Variants in KLK11 observed in about 807,000 individuals in gnomAD.
KLK11 encodes kallikrein related peptidase 11.
A neutral mutation model predicts 23.4 loss-of-function variants in KLK11; 10 were observed. The observed-to-expected ratio is 0.43, with a 90% confidence interval of 0.26 to 0.73. The LOEUF (loss-of-function observed/expected upper bound fraction) is 0.73, where lower values mean the gene tolerates loss of function less well. Among genes scored for constraint, KLK11 ranks in the 30% least tolerant of loss-of-function variants. KLK11 has a pLI of 0.22. For synonymous variants in KLK11, 131 were observed against 131.7 expected, an observed-to-expected ratio of 0.99 and a Z score of 0.03; for missense variants, 285 against 327.8, an observed-to-expected ratio of 0.87 and a Z score of 1.01.
In KLK11 at chr19:51,025,831, A is replaced by G. The variant is rs1229597988; in HGVS notation, c.-35-165T>C. 4.0e-6 allele frequency: 2 copies of G among 495,618 alleles called. No individual in the cohort carries two copies. The highest frequency in any genetic ancestry group is 3.1e-5 in the South Asian group (1 of 32,146). The allele number at this position is 495,618 out of a possible 1,614,324, so 30.7% of individuals were successfully genotyped here. Reference sequence around the variant, plus strand: ...TCTCACAGCACTCAGATCTCCAAACACTTAAAATATATCTTAGGTGTCTAG... The same window carrying G: ...TCTCACAGCACTCAGATCTCCAAACGCTTAAAATATATCTTAGGTGTCTAG... On this transcript the variant is annotated intron_variant, in intron 1 of 5. Transcript: ENST00000453757. The surrounding 1 kb of genome is among the most constrained non-coding windows in gnomAD (Gnocchi z 6.2).
chr19:51,022,538 G>A lies in KLK11; in HGVS notation c.*7C>T, dbSNP rs752801094. 1.3e-5 allele frequency: 21 copies of A among 1,614,008 alleles called. No individual in the cohort carries two copies. The highest frequency in any genetic ancestry group is 6.6e-5 in the South Asian group (6 of 91,076). On this transcript the variant is annotated 3_prime_UTR_variant, in exon 6 of 6. Transcript: ENST00000453757. Reference sequence around the variant, plus strand: ...GAGGGTGATGGGCTGTGGTGGGTGGGTCCAGTCTAATTGTTCTTCATCGTC... The same window carrying A: ...GAGGGTGATGGGCTGTGGTGGGTGGATCCAGTCTAATTGTTCTTCATCGTC...
upstream of KLK11, chr19:51,027,326 C>A (rs1328913166): frequency 1.1e-6 from 1 of 933,338 alleles, no homozygotes; most frequent in Non-Finnish European, 1.7e-6. Context: ...GAAGCCGAGT[C>A]CAGGAAAGGG....
intron 4 of KLK11, 156 bp from the exon 5 acceptor site, chr19:51,023,384 CTTTTTT>C (rs780238378): frequency 1.7e-5 from 8 of 483,248 alleles, no homozygotes; most frequent in South Asian, 2.6e-5. Context: ...TGCTATCCAG[CTTTTTT>C]TTTTTTTTTT....
Position 51,025,327 on chromosome 19 carries a change from G to A in KLK11, c.40+265C>T, listed in dbSNP as rs148905969. ...GGTTGGTCAGTAGCCCCTGTCCTGG[G>A]CGCTTTGAGTGACTGCTCCCCCAAC... is the stretch of plus-strand genomic sequence containing the variant. On this transcript the variant is annotated intron_variant, in intron 2 of 5. Coordinates refer to ENST00000453757, the MANE Select transcript of KLK11 (RefSeq NM_001136032.3). This position sits in a 1 kb window ranked among gnomAD's most constrained non-coding sequence, Gnocchi z 6.2. 9.3e-5 allele frequency among the ~76,000 whole-genome samples: 14 copies of A among 151,336 alleles called. No homozygotes were observed. Among genetic ancestry groups the A allele is most frequent in the Non-Finnish European group, 1.3e-4 (9 of 67,924 alleles).
At chr19:51,022,897 T>G (rs1568570154) in intron 5 of KLK11, among the ~76,000 whole-genome samples, 195 bp downstream of exon 5, 1 of 151,890 alleles carries the variant, frequency 6.6e-6, no homozygotes, top group Non-Finnish European at 1.5e-5. Flanking sequence ...TTGGGGATGG[T>G]TGGAGCTGGA....
In KLK11 at chr19:51,022,548, A is replaced by ATTGTTCT. The variant is rs1422389355; in HGVS notation, c.743_749dup (p.Asn250LysfsTer28). On this transcript the variant is annotated frameshift_variant, in exon 6 of 6. Coordinates refer to ENST00000453757, the MANE Select transcript of KLK11 (RefSeq NM_001136032.3). LOFTEE classifies it high-confidence loss of function. ...GGCTGTGGTGGGTGGGTCCAGTCTA[A>ATTGTTCT]TTGTTCTTCATCGTCTCCTGGATCC... 6.2e-7 allele frequency: 1 copy of ATTGTTCT among 1,614,018 alleles called. No homozygotes were observed.
chr19:51,023,038 G>A (rs973030100), intron 5 of KLK11, 54 bp downstream of exon 5: 44 of 1,542,656 alleles, frequency 2.9e-5, no homozygotes, highest in Non-Finnish European at 3.7e-5. Flanking sequence ...TGTCGGTAAA[G>A]ATGTCATTGA....
chr19:51,026,163 C>T (rs2091483618), intron 1 of KLK11, among the ~76,000 whole-genome samples: 1 of 152,040 alleles, frequency 6.6e-6, no homozygotes, highest in Admixed American at 6.5e-5. Flanking sequence ...GTAGGGGGCT[C>T]AGCCCCAGAC....
At position 51,024,381 on chromosome 19, in the gene KLK11, C is replaced by T; in HGVS notation, c.198-71G>A. On this transcript the variant is annotated intron_variant, in intron 3 of 5. Transcript: ENST00000453757. This position sits in a 1 kb window ranked among gnomAD's most constrained non-coding sequence, Gnocchi z 6.2. ...ACATGGGTGGGAGAGGTGAGTGACA[C>T]CTTTGAGGATGAAGAAACATCGCTC... The T allele has an allele frequency of 6.4e-7, 1 of 1,574,348 alleles. No individual in the cohort carries two copies. The highest frequency in any genetic ancestry group is 8.6e-7 in the Non-Finnish European group (1 of 1,161,028).
At chr19:51,027,524 A>T, upstream of KLK11, 1 of 1,613,970 alleles carries the variant, frequency 6.2e-7, no homozygotes. Context: ...GCATCTGCGG[A>T]ACCCGAGCGC....
chr19:51,026,276 G>A (rs1340079665), intron 1 of KLK11, among the ~76,000 whole-genome samples: 1 of 151,996 alleles, frequency 6.6e-6, no homozygotes, highest in Non-Finnish European at 1.5e-5. Context: ...TGGTCGAGGG[G>A]AGGGCCAGTG....
At position 51,025,500 on chromosome 19, in the gene KLK11, G is replaced by T; in HGVS notation, c.40+92C>A. On this transcript the variant is annotated intron_variant, in intron 2 of 5. Transcript: ENST00000453757. The surrounding 1 kb of genome is among the most constrained non-coding windows in gnomAD (Gnocchi z 6.2). ...GCCTTATGGGTTGTTCTGTAATTTGGAATCAGCCCTGTCACTGTCCAGACA... is the reference window on the plus strand; with the variant it reads ...GCCTTATGGGTTGTTCTGTAATTTGTAATCAGCCCTGTCACTGTCCAGACA... 1.2e-6 allele frequency: 1 copy of T among 815,530 alleles called. No homozygotes were observed. The highest frequency in any genetic ancestry group is 2.2e-5 in the South Asian group (1 of 45,858). The allele number at this position is 815,530 out of a possible 1,614,324, so 50.5% of individuals were successfully genotyped here.
At chr19:51,026,476 G>T in intron 1 of KLK11, 62 bp downstream of exon 1, 1 of 766,136 alleles carries the variant, frequency 1.3e-6, no homozygotes, top group Non-Finnish European at 1.6e-6. Flanking sequence ...TGGGACAGGT[G>T]TCCTTGGGGA....
At position 51,022,450 on chromosome 19, in the gene KLK11, A is replaced by T; in HGVS notation, c.*95T>A. ...CAGGAGGCCCAAAGAATGTTCGTAG[A>T]GGGTCTTGGCTTAGGGTTTCTTATT... is the stretch of plus-strand genomic sequence containing the variant. On this transcript the variant is annotated 3_prime_UTR_variant, in exon 6 of 6. Coordinates refer to ENST00000453757, the MANE Select transcript of KLK11 (RefSeq NM_001136032.3). The T allele has an allele frequency of 6.9e-7, 1 of 1,455,746 alleles. No individual in the cohort carries two copies. The highest frequency in any genetic ancestry group is 9.6e-7 in the Non-Finnish European group (1 of 1,038,882). 90.2% of individuals were successfully genotyped at this position (1,455,746 alleles called of 1,614,324 possible).
At chr19:51,027,402 C>T, upstream of KLK11, 2 of 1,574,500 alleles carry the variant, frequency 1.3e-6, no homozygotes, top group Non-Finnish European at 8.7e-7. Flanking sequence ...GCTGACCCTT[C>T]CCCTGCCCGC....
Position 51,022,243 on chromosome 19 carries a change from G to A in KLK11, c.*302C>T, listed in dbSNP as rs1374712025. ...AGCACTCAGTAGATTCACTCATTTA[G>A]CAAATATTTATTGAAACCTTGATAT... On this transcript the variant is annotated 3_prime_UTR_variant, in exon 6 of 6. Coordinates refer to ENST00000453757, the MANE Select transcript of KLK11 (RefSeq NM_001136032.3). The A allele has an allele frequency of 1.4e-5, 6 of 416,936 alleles. No individual in the cohort carries two copies. 25.8% of individuals were successfully genotyped at this position (416,936 alleles called of 1,614,324 possible).
chr19:51,022,790 G>A lies in KLK11; in HGVS notation c.601-93C>T. 7 of 1,361,054 alleles carry A rather than the reference G, an allele frequency of 5.1e-6. No homozygotes were observed. In the East Asian group the frequency reaches 9.2e-5, roughly 18 times the overall value. 84.3% of individuals were successfully genotyped at this position (1,361,054 alleles called of 1,614,324 possible). ...GGGGACGGTGCTTAGGAGTGGGGCCGAGACAGGATGGGTAGGCACTGGGAA... is the reference window on the plus strand; with the variant it reads ...GGGGACGGTGCTTAGGAGTGGGGCCAAGACAGGATGGGTAGGCACTGGGAA... On this transcript the variant is annotated intron_variant, in intron 5 of 5. Transcript: ENST00000453757.
intron 4 of KLK11, chr19:51,023,707 G>A (rs957189779): frequency 1.2e-5 from 3 of 252,104 alleles, no homozygotes; most frequent in Non-Finnish European, 2.3e-5. Context: ...AATGATTTAT[G>A]TCAGTTGCTT....
rs2091476100 is a variant in KLK11 at position 51,025,742 on chromosome 19, C to G, written c.-35-76G>C. The G allele has an allele frequency of 5.0e-6, 3 of 603,048 alleles. No homozygotes were observed. The highest frequency in any genetic ancestry group is 8.8e-6 in the Non-Finnish European group (3 of 341,268). The allele number at this position is 603,048 out of a possible 1,614,324, so 37.4% of individuals were successfully genotyped here. On this transcript the variant is annotated intron_variant, in intron 1 of 5. Coordinates refer to ENST00000453757, the MANE Select transcript of KLK11 (RefSeq NM_001136032.3). This position sits in a 1 kb window ranked among gnomAD's most constrained non-coding sequence, Gnocchi z 6.2. ...AGGGGGGGGCTGGCTCATGCCCTCT[C>G]CTCTCTCCCTCACCTGCTCCCGCTC...
Sources: allele counts gnomAD v4.1 joint callset (sites outside exome capture counted in the v4.1 genomes callset), GRCh38; gene constraint gnomAD v4.1.1; non-coding constraint Gnocchi (gnomAD v3.1); transcripts MANE v1.5; gene names NCBI Gene and HGNC (gene_info 2026-07-23, HGNC 2026-07-21).